The following GAPVD1 variants were observed in gnomAD, a reference collection of about 807,000 sequenced individuals.
GAPVD1 encodes GTPase activating protein and VPS9 domains 1, also known as GTPase-activating protein and VPS9 domain-containing protein 1.
Under a neutral mutation model 155.5 loss-of-function variants are expected in GAPVD1, and 35 were observed. The ratio of observed to expected loss-of-function variants is 0.23; its 90% CI spans 0.17 to 0.30. GAPVD1 has a LOEUF of 0.30. Among genes scored for constraint, GAPVD1 ranks in the 10% least tolerant of loss-of-function variants. GAPVD1 has a pLI of 1.00. For missense variants in GAPVD1, 1,429 were observed against 1,775.7 expected (o/e 0.80, Z 3.51); for synonymous variants, 636 against 619.7 (o/e 1.03, Z -0.39).
intron 4 of GAPVD1, among the ~76,000 whole-genome samples, chr9:125,300,732 G>T (rs1311250038): frequency 2.0e-5 from 3 of 151,884 alleles, no homozygotes; most frequent in Non-Finnish European, 4.4e-5. Context: ...CTGGGTGCAT[G>T]TATGTGTAAA....
chr9:125,283,307 C>T (rs886111540), intron 2 of GAPVD1, among the ~76,000 whole-genome samples: 1 of 152,064 alleles, frequency 6.6e-6, no homozygotes, highest in Admixed American at 6.6e-5. Flanking sequence ...GATCCATCCA[C>T]CTCGGCCTCC....
At chr9:125,316,822 C>G (rs1205091116) in intron 9 of GAPVD1, among the ~76,000 whole-genome samples, 1 of 152,206 alleles carries the variant, frequency 6.6e-6, no homozygotes, top group Admixed American at 6.6e-5. Flanking sequence ...GCCACACTGT[C>G]TTCCATAACA....
chr9:125,265,256 C>T (rs1410741192), intron 1 of GAPVD1, among the ~76,000 whole-genome samples: 1 of 151,990 alleles, frequency 6.6e-6, no homozygotes, highest in Non-Finnish European at 1.5e-5. Context: ...CTTCATTCTT[C>T]TTCCTTCTTT....
rs180995173 is a variant in GAPVD1 at position 125,299,293 on chromosome 9, T to C, written c.185+187T>C. Among the ~76,000 whole-genome samples, 434 of 152,358 alleles carry C rather than the reference T, an allele frequency of 2.8e-3. 2 individuals carry two copies. The highest frequency in any genetic ancestry group is 5.1e-3 in the Non-Finnish European group (349 of 68,024). On this transcript the variant is annotated intron_variant, in intron 4 of 27. Coordinates refer to ENST00000297933, the MANE Select transcript of GAPVD1 (RefSeq NM_001282680.3). ...GATTATTAAGTAACTTAGGCACTTT[T>C]ATAGAAAATTGTAACTTAAGCATTG...
At chr9:125,262,523 G>T (rs1415911593) in intron 1 of GAPVD1, among the ~76,000 whole-genome samples, 1 of 152,098 alleles carries the variant, frequency 6.6e-6, no homozygotes, top group Non-Finnish European at 1.5e-5. Flanking sequence ...TTTATTGACT[G>T]GCAAAATTGT....
intron 10 of GAPVD1, among the ~76,000 whole-genome samples, chr9:125,322,854 A>G (rs970324239): frequency 1.4e-4 from 21 of 151,918 alleles, no homozygotes; most frequent in African/African-American, 5.1e-4. Context: ...GGAGTTTGAG[A>G]CCAGCCTGGG....
At chr9:125,330,556 A>T (rs547696400) in intron 13 of GAPVD1, among the ~76,000 whole-genome samples, 38 of 152,264 alleles carry the variant, frequency 2.5e-4, no homozygotes, top group African/African-American at 8.4e-4. Flanking sequence ...ACCTCAGGTG[A>T]TCTGCCCACC....
intron 18 of GAPVD1, 46 bp from the exon 19 acceptor site, chr9:125,342,173 G>T (rs771254977): frequency 1.1e-6 from 1 of 925,832 alleles, no homozygotes; most frequent in Non-Finnish European, 1.8e-6. Flanking sequence ...CTTCCGAGTA[G>T]TGCAGTATGT....
intron 9 of GAPVD1, 23 bp downstream of exon 9, chr9:125,312,635 A>T (rs769956676): frequency 1.3e-6 from 2 of 1,552,908 alleles, no homozygotes; most frequent in South Asian, 2.4e-5. Flanking sequence ...TGCTTCTATA[A>T]ATCAATATTC....
intron 2 of GAPVD1, among the ~76,000 whole-genome samples, chr9:125,274,198 A>G (rs1337895295): frequency 1.3e-5 from 2 of 151,524 alleles, no homozygotes; most frequent in Non-Finnish European, 2.9e-5. Flanking sequence ...TTGTATTTTT[A>G]GTAGAGACGG....
In GAPVD1 at chr9:125,337,540, T is replaced by C; in HGVS notation, c.2826T>C (p.Ala942=). 3.1e-6 allele frequency: 5 copies of C among 1,614,028 alleles called. No homozygotes were observed. The highest frequency in any genetic ancestry group is 4.2e-6 in the Non-Finnish European group (5 of 1,179,890). The change falls in exon 17 of 28, where the codon GCT becomes GCC. Residue 942 remains alanine (A), a synonymous_variant. Transcript: ENST00000297933. ...CCATTGGTGCTACTTCTTTGGTGGCTGCACCTCATTCATCATCTTCATCCC... is the reference window on the plus strand; with the variant it reads ...CCATTGGTGCTACTTCTTTGGTGGCCGCACCTCATTCATCATCTTCATCCC... ...AAAIGATSLV[A]APHSSSSSPS...
intron 8 of GAPVD1, chr9:125,308,221 C>T (rs1474587744): frequency 9.2e-6 from 3 of 324,778 alleles, no homozygotes; most frequent in African/African-American, 2.1e-5. Flanking sequence ...TGGCACGTGC[C>T]TGTGGTCCCT....
At chr9:125,359,765 C>T in intron 26 of GAPVD1, 1 of 357,420 alleles carries the variant, frequency 2.8e-6, no homozygotes. Context: ...ACCTCTCCAT[C>T]AGTGCTTTTA....
In GAPVD1 at chr9:125,342,296, A is replaced by C; in HGVS notation, c.3043A>C (p.Thr1015Pro). 1 of 1,563,506 alleles carries C rather than the reference A, an allele frequency of 6.4e-7. No individual in the cohort carries two copies. The highest frequency in any genetic ancestry group is 8.8e-7 in the Non-Finnish European group (1 of 1,134,118). ...GGGGCCTGACAGATTCTCAACACTC[A>C]CAGGTTTGTAGACCCATGGACTTCC... Reference protein sequence around the residue: ...DLGPDRFSTLTDDPSPRLSAQ... With the variant: ...DLGPDRFSTLPDDPSPRLSAQ... Residue 1015 changes from threonine to proline, a missense_variant, in exon 19 of 28, where the codon ACA becomes CCA. Thr to Pro is a conservative substitution (Grantham distance 38). Around this residue, in one of 4 missense-constraint regions of GAPVD1, gnomAD observed 699 missense variants for 826.0 expected, o/e 0.85. Transcript: ENST00000297933.
At chr9:125,306,213 G>A (rs533636756) in intron 6 of GAPVD1, among the ~76,000 whole-genome samples, 2 of 151,944 alleles carry the variant, frequency 1.3e-5, no homozygotes, top group Non-Finnish European at 2.9e-5. Context: ...ACCCAGGCTG[G>A]AGTGCAGTGG....
intron 2 of GAPVD1, among the ~76,000 whole-genome samples, chr9:125,274,731 G>A: frequency 6.6e-6 from 1 of 152,018 alleles, no homozygotes; most frequent in Non-Finnish European, 1.5e-5. Flanking sequence ...CAAAGTGCTG[G>A]GATTATAGGC....
At chr9:125,351,800 G>A (rs1849329239) in intron 23 of GAPVD1, among the ~76,000 whole-genome samples, 3 of 151,634 alleles carry the variant, frequency 2.0e-5, no homozygotes, top group Admixed American at 2.0e-4. Flanking sequence ...GAGTGCAATG[G>A]TGCGATCTTG....
chr9:125,269,162 A>T (rs1352731056), intron 2 of GAPVD1, 178 bp downstream of exon 2: 1 of 151,958 alleles, frequency 6.6e-6, no homozygotes, highest in Non-Finnish European at 1.5e-5. Flanking sequence ...TGGCCTGAAC[A>T]GGGCGATCCT....
chr9:125,269,284 G>C (rs1362042031), intron 2 of GAPVD1, among the ~76,000 whole-genome samples: 1 of 151,922 alleles, frequency 6.6e-6, no homozygotes, highest in Non-Finnish European at 1.5e-5. Flanking sequence ...ATTTTCAAAT[G>C]TTTAGTTGAG....
Sources: gnomAD v4.1 joint callset for allele counts (sites outside exome capture counted in the v4.1 genomes callset) on GRCh38, gnomAD v4.1.1 for gene constraint, gnomAD v4.1.1 regional missense constraint, MANE v1.5 for transcripts, NCBI Gene and HGNC (gene_info 2026-07-23, HGNC 2026-07-21) for gene names.